Variants in WNK3 observed in about 807,000 individuals in gnomAD.
WNK3 encodes WNK lysine deficient protein kinase 3, also known as serine/threonine-protein kinase WNK3.
In WNK3, 18 loss-of-function variants were observed where a neutral mutation model predicts 116.7. The ratio of observed to expected loss-of-function variants is 0.15; its 90% CI spans 0.11 to 0.23. The LOEUF (loss-of-function observed/expected upper bound fraction) is 0.23. WNK3 is among the 10% of genes least tolerant of loss of function. The probability of loss-of-function intolerance (pLI) is 1.00; values close to 1 mark genes in which losing one functional copy is unlikely to be tolerated. For synonymous variants in WNK3, 404 were observed against 469.4 expected (o/e 0.86, Z 1.80); for missense variants, 993 against 1,323.8 (o/e 0.75, Z 3.88).
intron 6 of WNK3, among the ~76,000 whole-genome samples, chrX:54,300,797 T>C (rs915835784): frequency 2.7e-5 from 3 of 112,015 alleles, no homozygotes; most frequent in East Asian, 2.8e-4. Context: ...AAGAGTTGAA[T>C]AGATATTTCT....
intron 10 of WNK3, among the ~76,000 whole-genome samples, chrX:54,273,466 CG>C (rs1557159900): frequency 2.7e-5 from 3 of 111,513 alleles, no homozygotes; most frequent in East Asian, 5.6e-4. Context: ...TGCTTGAACC[CG>C]GAAGGCGGAG....
At chrX:54,349,904 AAT>A (rs1209386199) in intron 1 of WNK3, among the ~76,000 whole-genome samples, 1 of 111,455 alleles carries the variant, frequency 9.0e-6, no homozygotes, top group African/African-American at 3.3e-5. Flanking sequence ...TTTAATTTAA[AAT>A]AGACAAATGA....
rs1423778530 is a variant in WNK3 at position 54,299,443 on chromosome X, T to G, written c.1179-1049A>C. 2.9e-5 allele frequency among the ~76,000 whole-genome samples: 3 copies of G among 102,398 alleles called. No individual in the cohort carries two copies. In the East Asian group the frequency reaches 8.5e-4, roughly 29 times the overall value. 88.9% of individuals were successfully genotyped at this position (102,398 alleles called of 115,157 possible). On this transcript the variant is annotated intron_variant, in intron 6 of 23. Transcript: ENST00000354646. The stretch of plus-strand genomic sequence containing the variant: ...TTTAAGACTAAAATGAGATGTGTGT[T>G]TTGGTGTTTTTTTTTTTTTTTTTTG...
At chrX:54,299,936 T>C (rs782529410) in intron 6 of WNK3, among the ~76,000 whole-genome samples, 2 of 110,634 alleles carry the variant, frequency 1.8e-5, no homozygotes, top group Non-Finnish European at 3.8e-5. Flanking sequence ...CTCGGCTCAC[T>C]GCAACCTCCA....
At position 54,217,907 on chromosome X, in the gene WNK3, T is replaced by A. The variant is rs782358468; in HGVS notation, c.4870+10807A>T. Among the ~76,000 whole-genome samples, 5 of 111,623 alleles carry A rather than the reference T, an allele frequency of 4.5e-5. No homozygotes were observed. The East Asian group carries it at 1.4e-3, about 31-fold the overall frequency. On this transcript the variant is annotated intron_variant, in intron 22 of 23. Coordinates refer to ENST00000354646, the Ensembl canonical transcript of WNK3. ...GGTAGAAGAATCCGATACTAGAAGT[T>A]CTTTAATATATTATTTAAAATGTCC...
chrX:54,242,428 T>G (rs1557151785), intron 17 of WNK3, among the ~76,000 whole-genome samples: 2 of 112,105 alleles, frequency 1.8e-5, no homozygotes, highest in African/African-American at 6.5e-5. Flanking sequence ...AAGCTTATAC[T>G]AAAATTCATA....
intron 10 of WNK3, among the ~76,000 whole-genome samples, chrX:54,266,408 ATAATT>A (rs1272555119): frequency 8.9e-6 from 1 of 111,816 alleles, no homozygotes; most frequent in Non-Finnish European, 1.9e-5. Flanking sequence ...ACTATAGTTG[ATAATT>A]TAATTGTACA....
At position 54,254,976 on chromosome X, in the gene WNK3, C is replaced by T. The variant is rs138544741; in HGVS notation, c.2250+764G>A. The stretch of plus-strand genomic sequence containing the variant: ...GTGATCTTAGGCAACTTACTTCGCT[C>T]CTCTGATTTCATTTTTTTTTCAGAT... On this transcript the variant is annotated intron_variant, in intron 12 of 23. Coordinates refer to ENST00000354646, the Ensembl canonical transcript of WNK3. Among the ~76,000 whole-genome samples, 863 of 110,579 alleles carry T rather than the reference C, an allele frequency of 7.8e-3. 10 individuals carry two copies. The highest frequency in any genetic ancestry group is 0.027 in the African/African-American group (823 of 30,414).
exon 17 of WNK3, chrX:54,249,596 T>A (rs1557153668): frequency 8.3e-7 from 1 of 1,208,630 alleles, no homozygotes; most frequent in East Asian, 3.0e-5. Context: ...GTGAGCAATG[T>A]GTCCCGTGAT....
At chrX:54,216,720 C>CT (rs1557145380) in intron 22 of WNK3, among the ~76,000 whole-genome samples, 2 of 111,906 alleles carry the variant, frequency 1.8e-5, no homozygotes, top group Non-Finnish European at 3.8e-5. Context: ...TACAAACTGT[C>CT]TGAAGTTTGA....
intron 13 of WNK3, 100 bp downstream of exon 13, chrX:54,253,859 G>T (rs917116196): frequency 1.7e-6 from 1 of 581,655 alleles, no homozygotes. Context: ...AAAACTAATC[G>T]TACTCTAAAA....
At chrX:54,313,288 A>G (rs2068908508) in intron 2 of WNK3, among the ~76,000 whole-genome samples, 1 of 111,191 alleles carries the variant, frequency 9.0e-6, no homozygotes, top group Non-Finnish European at 1.9e-5. Flanking sequence ...CTTGAAGGAT[A>G]TAAAGTTCTA....
intron 15 of WNK3, among the ~76,000 whole-genome samples, chrX:54,250,919 TGG>T (rs1557154007): frequency 2.7e-5 from 3 of 111,292 alleles, no homozygotes. Flanking sequence ...TTTTCGCTTC[TGG>T]AAGTTTATCT....
At chrX:54,241,024 A>G (rs1435393145) in intron 17 of WNK3, among the ~76,000 whole-genome samples, 2 of 111,834 alleles carry the variant, frequency 1.8e-5, no homozygotes, top group Non-Finnish European at 3.8e-5. Context: ...AGGAACAGGC[A>G]GGCAGTTCTG....
At chrX:54,272,433 C>T (rs2068393763) in intron 10 of WNK3, among the ~76,000 whole-genome samples, 1 of 106,666 alleles carries the variant, frequency 9.4e-6, no homozygotes, top group South Asian at 4.2e-4. Flanking sequence ...AGAGTGAAAC[C>T]GTATCTCAAA....
chrX:54,281,524 C>T (rs1319456558), intron 10 of WNK3, among the ~76,000 whole-genome samples: 1 of 111,241 alleles, frequency 9.0e-6, no homozygotes, highest in Non-Finnish European at 1.9e-5. Context: ...CATTGCATCC[C>T]TAGAACTTAT....
intron 10 of WNK3, among the ~76,000 whole-genome samples, chrX:54,272,234 G>A (rs782341067): frequency 3.0e-4 from 34 of 111,881 alleles, no homozygotes; most frequent in African/African-American, 9.4e-4. Context: ...AAGCTACAGT[G>A]AAGATTAAAC....
intron 22 of WNK3, among the ~76,000 whole-genome samples, chrX:54,222,942 A>T (rs868955614): frequency 4.8e-4 from 44 of 91,741 alleles, no homozygotes; most frequent in African/African-American, 2.1e-3. Context: ...ATATATATAA[A>T]AAAAGACACA....
At chrX:54,192,918 A>T (rs1242631946) in exon 24 of WNK3, 3 of 111,718 alleles carry the variant, frequency 2.7e-5, no homozygotes, top group Non-Finnish European at 5.6e-5. Flanking sequence ...GAAACAAAAC[A>T]AAATACTTAC....
Sources: allele counts gnomAD v4.1 joint callset (sites outside exome capture counted in the v4.1 genomes callset), GRCh38; gene constraint gnomAD v4.1.1; transcripts MANE v1.5; gene names NCBI Gene and HGNC (gene_info 2026-07-23, HGNC 2026-07-21).